The following CACNB2 variants were observed in gnomAD, a reference collection of about 807,000 sequenced individuals.
CACNB2 encodes voltage-dependent L-type calcium channel subunit beta-2.
A neutral mutation model predicts 73.3 loss-of-function variants in CACNB2; 42 were observed. That is an observed-to-expected ratio of 0.57 (90% CI 0.45 to 0.74). The LOEUF (loss-of-function observed/expected upper bound fraction) is 0.74. Among genes scored for constraint, CACNB2 ranks in the 30% least tolerant of loss-of-function variants. The pLI, the probability that CACNB2 is intolerant of heterozygous loss-of-function variation, is 0.00. For synonymous variants in CACNB2, 348 were observed against 310.3 expected, an observed-to-expected ratio of 1.12 and a Z score of -1.28; for missense variants, 940 against 853.0, an observed-to-expected ratio of 1.10 and a Z score of -1.27.
Position 18,410,554 on chromosome 10 carries a change from A to G in CACNB2, c.333+8511A>G, listed in dbSNP as rs79458429. ...TTTAAAAATATGTCTTATTGTGAAC[A>G]TTATATGGGAGGTAGGAGAGAAATA... is the stretch of plus-strand genomic sequence containing the variant. On this transcript the variant is annotated intron_variant, in intron 3 of 13. Transcript: ENST00000324631. Among the ~76,000 whole-genome samples the G allele has an allele frequency of 9.1e-3, 1,379 of 152,316 alleles. 25 individuals carry two copies. The highest frequency in any genetic ancestry group is 0.031 in the African/African-American group (1,304 of 41,568).
At chr10:18,306,082 C>T (rs1588995718) in intron 2 of CACNB2, among the ~76,000 whole-genome samples, 1 of 152,310 alleles carries the variant, frequency 6.6e-6, no homozygotes, top group South Asian at 2.1e-4. Context: ...AGAGAAGAGA[C>T]AGCCAGGGGG....
chr10:18,145,879 T>C (rs1054288270), intron 1 of CACNB2, among the ~76,000 whole-genome samples: 4 of 152,140 alleles, frequency 2.6e-5, no homozygotes, highest in African/African-American at 9.7e-5. Flanking sequence ...GAAGAAGGCA[T>C]GTGTTGTTCC....
chr10:18,260,349 T>G, intron 2 of CACNB2: 814 of 704,864 alleles, frequency 1.2e-3, no homozygotes, highest in Non-Finnish European at 1.3e-3. Context: ...ATAGGTGGTA[T>G]GAGATCTAAT....
intron 2 of CACNB2, among the ~76,000 whole-genome samples, chr10:18,176,924 G>A (rs1326675968): frequency 6.6e-6 from 1 of 151,930 alleles, no homozygotes; most frequent in Non-Finnish European, 1.5e-5. Context: ...TGGGACTTTT[G>A]GTTAGGGGTA....
chr10:18,187,809 T>A (rs1483937076), intron 2 of CACNB2, among the ~76,000 whole-genome samples: 1 of 152,204 alleles, frequency 6.6e-6, no homozygotes, highest in Non-Finnish European at 1.5e-5. Flanking sequence ...AATGACTTTA[T>A]AAAGACCGAA....
At chr10:18,478,962 C>T (rs1045754111) in intron 3 of CACNB2, among the ~76,000 whole-genome samples, 22 of 151,926 alleles carry the variant, frequency 1.4e-4, no homozygotes, top group African/African-American at 4.8e-4. Flanking sequence ...GAGGCTGAGT[C>T]GGGAGGATCG....
intron 3 of CACNB2, among the ~76,000 whole-genome samples, chr10:18,497,705 A>G (rs1396060035): frequency 1.3e-5 from 2 of 152,212 alleles, no homozygotes; most frequent in African/African-American, 4.8e-5. Context: ...GATTACAGGC[A>G]TGAGCCACCA....
intron 2 of CACNB2, among the ~76,000 whole-genome samples, chr10:18,169,123 C>G (rs1361844515): frequency 6.6e-6 from 1 of 151,732 alleles, no homozygotes; most frequent in Non-Finnish European, 1.5e-5. Context: ...CGAGCATGAT[C>G]ATACTGTTGC....
In CACNB2 at chr10:18,502,287, G is replaced by A. The variant is rs997794693; in HGVS notation, c.593+1339G>A. Among the ~76,000 whole-genome samples, 14 of 144,762 alleles carry A rather than the reference G, an allele frequency of 9.7e-5. No homozygotes were observed. The East Asian group carries it at 2.0e-3, about 20-fold the overall frequency. The allele number at this position is 144,762 out of a possible 152,430, so 95.0% of individuals were successfully genotyped here. ...CGTGCCACTGCATTCCAGCCTGGGC[G>A]ACAGAGTGAGACTCTATCTCAAAAA... is the stretch of plus-strand genomic sequence containing the variant. On this transcript the variant is annotated intron_variant, in intron 5 of 13. Transcript: ENST00000324631.
In CACNB2 at chr10:18,541,265, G is replaced by A. The variant is rs924922826; in HGVS notation, c.*1541G>A. 1.3e-4 allele frequency: 20 copies of A among 152,502 alleles called. 1 individual carries two copies. The highest frequency in any genetic ancestry group is 2.8e-4 in the Non-Finnish European group (19 of 68,026). The allele number at this position is 152,502 out of a possible 1,614,324, so 9.4% of individuals were successfully genotyped here. ...GTTTCTGTTCTTCAGAAGAAATCAGGGCAAAATGGGGTGACTTGAAGTGAA... is the reference window on the plus strand; with the variant it reads ...GTTTCTGTTCTTCAGAAGAAATCAGAGCAAAATGGGGTGACTTGAAGTGAA... On this transcript the variant is annotated 3_prime_UTR_variant, in exon 14 of 14. Transcript: ENST00000324631.
chr10:18,507,029 G>T (rs1203515152), intron 6 of CACNB2, among the ~76,000 whole-genome samples: 1 of 152,146 alleles, frequency 6.6e-6, no homozygotes, highest in African/African-American at 2.4e-5. Flanking sequence ...GAACTCCTGA[G>T]TTCAAGCGAT....
In CACNB2 at chr10:18,539,698, A is replaced by C. The variant is rs752103852; in HGVS notation, c.1957A>C (p.Asn653His). The change falls in exon 14 of 14, where the codon AAC becomes CAC. Residue 653 changes from asparagine (N) to histidine (H), a missense_variant. Transcript: ENST00000324631. The stretch of plus-strand genomic sequence containing the variant: ...AAAACGGAATGAGGCTGGGGAGTGG[A>C]ACAGGGATGTTTACATCCGCCAATG... Reference protein sequence around the residue: ...SKKRNEAGEWNRDVYIRQ With the variant: ...SKKRNEAGEWHRDVYIRQ 6 of 1,612,090 alleles carry C rather than the reference A, an allele frequency of 3.7e-6. No homozygotes were observed. The East Asian group carries it at 1.3e-4, about 36-fold the overall frequency.
chr10:18,279,416 T>C (rs573420471), intron 2 of CACNB2, among the ~76,000 whole-genome samples: 1 of 152,360 alleles, frequency 6.6e-6, no homozygotes, highest in East Asian at 1.9e-4. Flanking sequence ...AACGATTGTT[T>C]GTAACATTAT....
intron 3 of CACNB2, among the ~76,000 whole-genome samples, chr10:18,447,146 G>A (rs1257738670): frequency 6.6e-6 from 1 of 152,156 alleles, no homozygotes; most frequent in East Asian, 1.9e-4. Flanking sequence ...GAGACATGGT[G>A]TACTACATTT....
chr10:18,307,983 CTTTTTTTTTTTTTTTT>C (rs869311555), intron 2 of CACNB2, among the ~76,000 whole-genome samples: 2 of 70,268 alleles, frequency 2.8e-5, no homozygotes, highest in Non-Finnish European at 5.4e-5. Context: ...TATATGCCAA[CTTTTTTTTTTTTTTTT>C]TTTTTTTTTT....
intron 9 of CACNB2, among the ~76,000 whole-genome samples, chr10:18,520,430 T>C (rs2051746055): frequency 6.6e-6 from 1 of 150,534 alleles, no homozygotes; most frequent in Middle Eastern, 3.2e-3. Context: ...CTGAGACATC[T>C]TCATCTCTTC....
intron 3 of CACNB2, among the ~76,000 whole-genome samples, chr10:18,465,835 C>T (rs1031971454): frequency 1.3e-5 from 2 of 152,098 alleles, no homozygotes; most frequent in African/African-American, 2.4e-5. Flanking sequence ...CATCCACCAC[C>T]TCGCCCAGCT....
chr10:18,421,635 A>G (rs1474330796), intron 3 of CACNB2, among the ~76,000 whole-genome samples: 2 of 151,940 alleles, frequency 1.3e-5, no homozygotes, highest in African/African-American at 4.8e-5. Flanking sequence ...TTAAGTGGTT[A>G]TTTTTTTCTG....
At chr10:18,204,422 T>G (rs1172189471) in intron 2 of CACNB2, among the ~76,000 whole-genome samples, 1 of 152,242 alleles carries the variant, frequency 6.6e-6, no homozygotes, top group Non-Finnish European at 1.5e-5. Context: ...AATTGTGCCT[T>G]TGTTAACCAG....
Sources: allele counts gnomAD v4.1 joint callset (sites outside exome capture counted in the v4.1 genomes callset), GRCh38; gene constraint gnomAD v4.1.1; transcripts MANE v1.5; gene names NCBI Gene and HGNC (gene_info 2026-07-23, HGNC 2026-07-21).